The following BEST3 variants were observed in gnomAD, a reference collection of about 807,000 sequenced individuals.
The protein encoded by BEST3 is bestrophin 3, also known as bestrophin-3.
A neutral mutation model predicts 47.1 loss-of-function variants in BEST3; 50 were observed. The observed-to-expected ratio is 1.06, with a 90% CI of 0.85 to 1.34. BEST3 has a LOEUF of 1.34. BEST3 is among the 40% of genes most tolerant of loss of function. The pLI is 0.00. For missense variants in BEST3, 765 were observed against 817.0 expected, an observed-to-expected ratio of 0.94 and a Z score of 0.78; for synonymous variants, 282 against 298.8, an observed-to-expected ratio of 0.94 and a Z score of 0.58.
chr12:69,646,418 T>C (rs1593122317), intron 9 of BEST3, among the ~76,000 whole-genome samples: 1 of 152,176 alleles, frequency 6.6e-6, no homozygotes, highest in East Asian at 1.9e-4. Flanking sequence ...TATTTATTTT[T>C]TTCTTTCCTT....
chr12:69,690,429 T>G (rs1445788445), intron 4 of BEST3, among the ~76,000 whole-genome samples: 1 of 152,234 alleles, frequency 6.6e-6, no homozygotes, highest in Non-Finnish European at 1.5e-5. Context: ...TTTTCCTATT[T>G]GCCTCCCTAT....
chr12:69,694,457 G>C lies in BEST3; in HGVS notation c.160C>G (p.Leu54Val). Residue 54 changes from leucine to valine, a missense_variant, in exon 3 of 10, where the codon CTT becomes GTT. Physicochemically the swap from Leu to Val is conservative, Grantham distance 32. Transcript: ENST00000330891. ...AAGTAACGTTTTTGGACTCCTGTAA[G>C]TAACAATCTGGAGCAAAAATAAAAT... ...TAISLVYRLL[L>V]TGVQKRYFEK... is the part of the protein sequence containing the mutation. 6.3e-7 allele frequency: 1 copy of C among 1,589,978 alleles called. No homozygotes were observed. Among genetic ancestry groups the C allele is most frequent in the Non-Finnish European group, 8.6e-7 (1 of 1,164,220 alleles).
rs1459579424 is a variant in BEST3, at chr12:69,654,465, C to T, written c.*442G>A. 12 of 987,512 alleles carry T rather than the reference C, an allele frequency of 1.2e-5. No homozygotes were observed. Among genetic ancestry groups the T allele is most frequent in the Non-Finnish European group, 1.4e-5 (12 of 831,508 alleles). The allele number at this position is 987,512 out of a possible 1,614,324, so 61.2% of individuals were successfully genotyped here. A position where few individuals can be genotyped will look rare whatever the true frequency, so the allele number is the denominator to read the frequency against. On this transcript the variant is annotated 3_prime_UTR_variant, in exon 10 of 10. Coordinates refer to ENST00000330891, the MANE Select transcript of BEST3 (RefSeq NM_032735.3). ...GGGGATCTTTCAGGCATTAGGTGAT[C>T]CATCTCCTTTCTTTATGGCTAAAGA...
chr12:69,693,245 CTT>C (rs71094730), intron 4 of BEST3, among the ~76,000 whole-genome samples: 1 of 136,664 alleles, frequency 7.3e-6, no homozygotes, highest in South Asian at 2.3e-4. Context: ...CTCTCTCTCT[CTT>C]TTTTTTTTCT....
intron 4 of BEST3, among the ~76,000 whole-genome samples, chr12:69,687,984 C>A (rs550564630): frequency 6.6e-6 from 1 of 152,296 alleles, no homozygotes; most frequent in Admixed American, 6.5e-5. Context: ...ACACAATAAA[C>A]CTTTGTTGCA....
At chr12:69,694,066 T>C (rs1328645093) in intron 3 of BEST3, 159 bp from the exon 4 acceptor site, 2 of 638,708 alleles carry the variant, frequency 3.1e-6, no homozygotes, top group Non-Finnish European at 5.3e-6. Flanking sequence ...AAATGTCATT[T>C]GTGCCTGGCA....
chr12:69,656,702 A>G (rs919829731), intron 9 of BEST3, among the ~76,000 whole-genome samples: 6 of 152,144 alleles, frequency 3.9e-5, no homozygotes, highest in African/African-American at 1.4e-4. Flanking sequence ...GAGGAAACTG[A>G]GGCCTGGAGA....
At chr12:69,650,000 G>A (rs2135897595), downstream of BEST3, among the ~76,000 whole-genome samples, 1 of 152,352 alleles carries the variant, frequency 6.6e-6, no homozygotes, top group South Asian at 2.1e-4. Flanking sequence ...GTGGCAAAAG[G>A]AAGGTTTGAG....
chr12:69,675,667 G>A (rs17813563), intron 7 of BEST3, among the ~76,000 whole-genome samples: 12,533 of 152,252 alleles, frequency 0.082, 695 homozygotes, highest in South Asian at 0.14. Context: ...AAAGTCATTA[G>A]TCTCTTCTGC....
Position 69,655,787 on chromosome 12 carries a change from T to C in BEST3, c.1127A>G (p.Glu376Gly). Reference protein sequence around the residue: ...MGLSGSDFPDEEWLWDYEKHG... With the variant: ...MGLSGSDFPDGEWLWDYEKHG... ...CTTCTCATAATCCCACAGCCACTCC[T>C]CGTCAGGAAAGTCGGACCCAGACAG... The change falls in exon 10 of 10, where the codon GAG (glutamate) becomes GGG (glycine). Residue 376 changes from glutamate (E) to glycine (G), a missense_variant. Coordinates refer to ENST00000330891, the MANE Select transcript of BEST3 (RefSeq NM_032735.3). The C allele has an allele frequency of 1.2e-6, 2 of 1,610,300 alleles. No individual in the cohort carries two copies. The highest frequency in any genetic ancestry group is 1.7e-6 in the Non-Finnish European group (2 of 1,177,190).
chr12:69,667,286 A>G (rs1884278992), intron 9 of BEST3, among the ~76,000 whole-genome samples: 1 of 151,784 alleles, frequency 6.6e-6, no homozygotes, highest in African/African-American at 2.4e-5. Flanking sequence ...CTCCTAATTC[A>G]TTCTTTTTTT....
At chr12:69,677,356 G>C in intron 5 of BEST3, 99 bp from the exon 6 acceptor site, 1 of 1,068,688 alleles carries the variant, frequency 9.4e-7, no homozygotes, top group South Asian at 1.4e-5. Flanking sequence ...TTACAGGACT[G>C]ACTGTAAGGC....
Position 69,655,043 on chromosome 12 carries a change from G to A in BEST3, c.1871C>T (p.Ser624Phe), listed in dbSNP as rs763620108. 9 of 1,614,166 alleles carry A rather than the reference G, an allele frequency of 5.6e-6. No individual in the cohort carries two copies. Among genetic ancestry groups the A allele is most frequent in the South Asian group, 4.4e-5 (4 of 91,082 alleles). Reference sequence around the variant, plus strand: ...AATGTTGATCCCACTGATCTCTGAGGATGTTTCTGTGTCAATTAAAAGAGC... The same window carrying A: ...AATGTTGATCCCACTGATCTCTGAGAATGTTTCTGTGTCAATTAAAAGAGC... ...QPALLIDTET[S>F]SEISGINIVA... Residue 624 changes from serine to phenylalanine, a missense_variant, in exon 10 of 10, where the codon TCC becomes TTC. Ser to Phe is a radical substitution (Grantham distance 155). Transcript: ENST00000330891.
intron 4 of BEST3, among the ~76,000 whole-genome samples, chr12:69,691,274 G>A (rs1287308231): frequency 1.3e-5 from 2 of 152,144 alleles, no homozygotes; most frequent in Non-Finnish European, 2.9e-5. Context: ...ACAAGCCTAT[G>A]GGATATATGA....
downstream of BEST3, among the ~76,000 whole-genome samples, chr12:69,651,570 C>T (rs926430917): frequency 3.9e-5 from 6 of 151,922 alleles, no homozygotes; most frequent in African/African-American, 1.2e-4. Context: ...GTCAGGAGTT[C>T]AAGACCAGCC....
chr12:69,647,502 C>A (rs1883075956), intron 9 of BEST3, among the ~76,000 whole-genome samples: 1 of 152,108 alleles, frequency 6.6e-6, no homozygotes, highest in Admixed American at 6.6e-5. Context: ...CTCTTTCTCC[C>A]CTCTTTCAGA....
chr12:69,689,140 C>T (rs1437786663), intron 4 of BEST3: 35 of 985,380 alleles, frequency 3.6e-5, no homozygotes, highest in Non-Finnish European at 3.9e-5. Flanking sequence ...AAACATTTTC[C>T]GCCATCCCTG....
At chr12:69,695,514 G>C (rs189822225) in intron 2 of BEST3, among the ~76,000 whole-genome samples, 3 of 152,184 alleles carry the variant, frequency 2.0e-5, no homozygotes, top group Non-Finnish European at 4.4e-5. Flanking sequence ...ACTGAAGTCA[G>C]GGAAAGCTGA....
chr12:69,660,546 A>C (rs1367210279), intron 9 of BEST3: 2 of 152,200 alleles, frequency 1.3e-5, no homozygotes. Flanking sequence ...CCAATGGTGA[A>C]AATTGTGGAG....
Sources: allele counts gnomAD v4.1 joint callset (sites outside exome capture counted in the v4.1 genomes callset), GRCh38; gene constraint gnomAD v4.1.1; transcripts MANE v1.5; gene names NCBI Gene and HGNC (gene_info 2026-07-23, HGNC 2026-07-21).